Variants in KAZN observed in about 807,000 individuals in gnomAD.
KAZN encodes the protein kazrin.
Under a neutral mutation model 87.4 loss-of-function variants are expected in KAZN, and 40 were observed. The observed-to-expected ratio is 0.46, with a 90% CI of 0.36 to 0.60. KAZN has a LOEUF of 0.60. Ranked by LOEUF, KAZN falls within the 20% of genes least tolerant of loss-of-function variation. The pLI is 0.00. For synonymous variants in KAZN, 466 were observed against 458.3 expected (o/e 1.02, Z -0.22); for missense variants, 898 against 1,073.9 (o/e 0.84, Z 2.29).
At chr1:14,841,486 A>G (rs1648008454) in intron 1 of KAZN, among the ~76,000 whole-genome samples, 1 of 148,504 alleles carries the variant, frequency 6.7e-6, no homozygotes. Flanking sequence ...GGGAGAGGAC[A>G]CTCCCTGGCC....
chr1:14,121,793 T>C (rs1487037480), intron 1 of KAZN, among the ~76,000 whole-genome samples: 1 of 152,176 alleles, frequency 6.6e-6, no homozygotes, highest in Non-Finnish European at 1.5e-5. Flanking sequence ...GGTTCCAGTT[T>C]TCAATAGGGA....
intron 1 of KAZN, among the ~76,000 whole-genome samples, chr1:14,079,869 A>G (rs1643605197): frequency 6.7e-6 from 1 of 149,830 alleles, no homozygotes; most frequent in Non-Finnish European, 1.5e-5. Context: ...CCCATGACCC[A>G]AACCCCCACC....
intron 2 of KAZN, among the ~76,000 whole-genome samples, chr1:14,542,793 G>A (rs903115780): frequency 2.0e-5 from 3 of 152,170 alleles, no homozygotes; most frequent in Non-Finnish European, 4.4e-5. Flanking sequence ...CAACTTCAGT[G>A]TCGACTCACC....
At chr1:15,043,446 C>A (rs1464646552) in intron 3 of KAZN, among the ~76,000 whole-genome samples, 1 of 152,162 alleles carries the variant, frequency 6.6e-6, no homozygotes, top group Admixed American at 6.5e-5. Flanking sequence ...GGTAGAATGA[C>A]TTCCCCAAAG....
At chr1:14,051,377 T>C (rs1642321052) in intron 1 of KAZN, among the ~76,000 whole-genome samples, 1 of 151,596 alleles carries the variant, frequency 6.6e-6, no homozygotes, top group Admixed American at 6.6e-5. Flanking sequence ...TGTCCAAAGC[T>C]TGGTGAGGAG....
At chr1:14,438,095 C>CA (rs35260375) in intron 2 of KAZN, among the ~76,000 whole-genome samples, 1,545 of 134,030 alleles carry the variant, frequency 0.012, 11 homozygotes, top group Admixed American at 0.032. Context: ...TCCCTAAAGC[C>CA]AAAAAAAAAA....
chr1:13,973,082 C>T (rs1206890392), intron 1 of KAZN, among the ~76,000 whole-genome samples: 2 of 152,066 alleles, frequency 1.3e-5, no homozygotes, highest in African/African-American at 4.8e-5. Context: ...CCTTATTCTT[C>T]TCTTCATCCT....
chr1:14,612,692 G>C lies in KAZN; in HGVS notation c.226+13469G>C, dbSNP rs1003007744. ...CCAGATAATTCTTTGTTGTGGGGGC[G>C]GGGGTCTGTCCTGTGCATTTTAGGA... On this transcript the variant is annotated intron_variant, in intron 1 of 14. Transcript: ENST00000376030. Among the ~76,000 whole-genome samples the C allele has an allele frequency of 2.0e-5, 3 of 152,118 alleles. No homozygotes were observed. In the East Asian group the frequency reaches 5.8e-4, roughly 29 times the overall value.
At chr1:14,675,095 T>G (rs980576576) in intron 1 of KAZN, among the ~76,000 whole-genome samples, 2 of 152,246 alleles carry the variant, frequency 1.3e-5, no homozygotes, top group African/African-American at 2.4e-5. Flanking sequence ...GTTAGTTATT[T>G]AGATGTGACT....
intron 4 of KAZN, among the ~76,000 whole-genome samples, chr1:15,052,522 A>G (rs4661316): frequency 0.12 from 18,677 of 151,652 alleles, 1,924 homozygotes; most frequent in East Asian, 0.62. Context: ...ACACAGCCAA[A>G]CCATATCAGT....
intron 2 of KAZN, among the ~76,000 whole-genome samples, chr1:15,002,591 C>A (rs1382799603): frequency 1.3e-5 from 2 of 152,160 alleles, no homozygotes; most frequent in Non-Finnish European, 2.9e-5. Context: ...TCAGAAAAAT[C>A]AGCGTCATCG....
At chr1:14,638,343 C>T (rs189767612) in intron 1 of KAZN, among the ~76,000 whole-genome samples, 2 of 151,948 alleles carry the variant, frequency 1.3e-5, no homozygotes, top group Non-Finnish European at 2.9e-5. Flanking sequence ...CCGAGGCGGG[C>T]GGATCACCTG....
At chr1:14,446,038 A>T (rs1666966773) in intron 2 of KAZN, among the ~76,000 whole-genome samples, 1 of 151,958 alleles carries the variant, frequency 6.6e-6, no homozygotes, top group Non-Finnish European at 1.5e-5. Context: ...AAAAAAAAAA[A>T]AAATTAAGTT....
At chr1:14,206,994 A>G (rs1340190553) in intron 2 of KAZN, among the ~76,000 whole-genome samples, 1 of 128,074 alleles carries the variant, frequency 7.8e-6, no homozygotes, top group Non-Finnish European at 1.6e-5. Flanking sequence ...ATGGAGTTTC[A>G]CTCTTGTTGC....
intron 1 of KAZN, among the ~76,000 whole-genome samples, chr1:14,060,362 CAAAAAAAAA>C (rs56206554): frequency 5.0e-5 from 5 of 100,656 alleles, no homozygotes; most frequent in African/African-American, 1.4e-4. Context: ...GACTCCACCT[CAAAAAAAAA>C]AAAAAAAAAA....
intron 2 of KAZN, among the ~76,000 whole-genome samples, chr1:14,288,965 G>T (rs943716095): frequency 3.3e-5 from 5 of 152,186 alleles, no homozygotes; most frequent in Admixed American, 2.0e-4. Context: ...GGAGCAGGTT[G>T]TTCAGTTTCC....
chr1:14,716,031 G>C (rs1310008218), intron 1 of KAZN, among the ~76,000 whole-genome samples: 1 of 152,174 alleles, frequency 6.6e-6, no homozygotes, highest in East Asian at 1.9e-4. Context: ...ATATTGAAAG[G>C]CTTGGATTTC....
chr1:14,078,874 G>A (rs779525454), intron 1 of KAZN, among the ~76,000 whole-genome samples: 7 of 152,082 alleles, frequency 4.6e-5, no homozygotes, highest in African/African-American at 1.4e-4. Context: ...TAGTAGAGAC[G>A]GGATTTCACC....
At chr1:14,966,422 C>T (rs1300470151) in intron 2 of KAZN, among the ~76,000 whole-genome samples, 1 of 152,096 alleles carries the variant, frequency 6.6e-6, no homozygotes, top group Non-Finnish European at 1.5e-5. Flanking sequence ...ATCTCTGCTC[C>T]GTCTGTCTAG....
Sources: allele counts gnomAD v4.1 joint callset (sites outside exome capture counted in the v4.1 genomes callset), GRCh38; gene constraint gnomAD v4.1.1; transcripts MANE v1.5; gene names NCBI Gene and HGNC (gene_info 2026-07-23, HGNC 2026-07-21).